DYNC2I1: variants seen among roughly 807,000 people sequenced by gnomAD.
The protein encoded by DYNC2I1 is dynein 2 intermediate chain 1, also known as cytoplasmic dynein 2 intermediate chain 1.
A neutral mutation model predicts 133.4 loss-of-function variants in DYNC2I1; 89 were observed. The ratio of observed to expected loss-of-function variants is 0.67; its 90% confidence interval spans 0.56 to 0.80. DYNC2I1 has a LOEUF of 0.80. Among genes scored for constraint, DYNC2I1 ranks in the 30% least tolerant of loss-of-function variants. The pLI is 0.00. For synonymous variants in DYNC2I1, 504 were observed against 484.3 expected, an observed-to-expected ratio of 1.04 and a Z score of -0.54; for missense variants, 1,291 against 1,314.5, an observed-to-expected ratio of 0.98 and a Z score of 0.28.
At chr7:158,929,181 G>C (rs1849937175) in intron 20 of DYNC2I1, among the ~76,000 whole-genome samples, 2 of 152,232 alleles carry the variant, frequency 1.3e-5, no homozygotes, top group South Asian at 4.1e-4. Flanking sequence ...CCGTTGTTCA[G>C]GGTGGCTGCC....
chr7:158,930,176 C>G (rs1850078532), intron 20 of DYNC2I1, among the ~76,000 whole-genome samples: 1 of 152,178 alleles, frequency 6.6e-6, no homozygotes, highest in African/African-American at 2.4e-5. Flanking sequence ...GCTTACCCCC[C>G]TTATTTTATC....
chr7:158,951,039 G>A (rs996510700), downstream of DYNC2I1, among the ~76,000 whole-genome samples: 2 of 152,204 alleles, frequency 1.3e-5, no homozygotes, highest in Non-Finnish European at 2.9e-5. Context: ...GATCTTGCAT[G>A]TTGTCCACGT....
chr7:158,945,152 A>AG lies in DYNC2I1; in HGVS notation c.3003-425dup, dbSNP rs1851750694. On this transcript the variant is annotated intron_variant, in intron 24 of 24. Coordinates refer to ENST00000407559, the MANE Select transcript of DYNC2I1 (RefSeq NM_018051.5). This position sits in a 1 kb window ranked among gnomAD's most constrained non-coding sequence, Gnocchi z 4.1. Reference sequence around the variant, plus strand: ...CTGGTCCCATGGAGGCCAGGAGTGGAGGGGTCCGGGGCTCCAGGGTGAGTC... The same window carrying AG: ...CTGGTCCCATGGAGGCCAGGAGTGGAGGGGGTCCGGGGCTCCAGGGTGAGTC... 6.6e-6 allele frequency among the ~76,000 whole-genome samples: 1 copy of AG among 151,974 alleles called. No individual in the cohort carries two copies. The highest frequency in any genetic ancestry group is 2.4e-5 in the African/African-American group (1 of 41,370).
rs1850555720 is a variant in DYNC2I1 at position 158,934,501 on chromosome 7, G to A, written c.2730G>A (p.Val910=). 6.4e-7 allele frequency: 1 copy of A among 1,567,154 alleles called. No individual in the cohort carries two copies. Among genetic ancestry groups the A allele is most frequent in the Admixed American group, 1.9e-5 (1 of 52,516 alleles). Residue 910 remains valine, a synonymous_variant, in exon 23 of 25, where the codon GTG becomes GTA. Transcript: ENST00000407559. ...CTCAGCAACATGGTATAAGACCAGT[G>A]AAAGTTAATGTCATTGATTTTTCAC... The part of the protein sequence containing the change: ...FKPQQHGIRP[V]KVNVIDFSPF...
intron 8 of DYNC2I1, among the ~76,000 whole-genome samples, chr7:158,899,003 A>G (rs1233743112): frequency 6.6e-6 from 1 of 152,168 alleles, no homozygotes; most frequent in African/African-American, 2.4e-5. Context: ...ATAAGCAGAC[A>G]TAAGCATGTT....
chr7:158,883,618 T>C (rs1354705355), intron 5 of DYNC2I1, among the ~76,000 whole-genome samples: 1 of 150,094 alleles, frequency 6.7e-6, no homozygotes, highest in African/African-American at 2.4e-5. Context: ...GTAAGTACAA[T>C]AAATATACAA....
intron 15 of DYNC2I1, among the ~76,000 whole-genome samples, chr7:158,921,210 C>CGG (rs1449440038): frequency 1.3e-5 from 2 of 152,062 alleles, no homozygotes; most frequent in African/African-American, 4.8e-5. Flanking sequence ...GAAAACCGGA[C>CGG]GGAGATGAGA....
intron 7 of DYNC2I1, among the ~76,000 whole-genome samples, chr7:158,890,437 C>T (rs1021953070): frequency 1.3e-5 from 2 of 152,062 alleles, no homozygotes; most frequent in Non-Finnish European, 2.9e-5. Context: ...ACAGCAGCAA[C>T]ACTGAATTTA....
chr7:158,896,764 T>G (rs1419864155), intron 8 of DYNC2I1, among the ~76,000 whole-genome samples: 1 of 152,104 alleles, frequency 6.6e-6, no homozygotes, highest in Non-Finnish European at 1.5e-5. Flanking sequence ...TGAGCCACTG[T>G]GCCTGGCCCT....
At chr7:158,870,967 G>T (rs944919994) in intron 2 of DYNC2I1, among the ~76,000 whole-genome samples, 175 bp from the exon 3 acceptor site, 2 of 152,208 alleles carry the variant, frequency 1.3e-5, no homozygotes, top group Non-Finnish European at 2.9e-5. Context: ...AGTGTTCTAA[G>T]AACATCCATG....
At chr7:158,853,814 C>T (rs185828112), upstream of DYNC2I1, among the ~76,000 whole-genome samples, 300 of 152,096 alleles carry the variant, frequency 2.0e-3, no homozygotes, top group African/African-American at 7.0e-3. Flanking sequence ...CCACCACACC[C>T]AGCTAATTTT....
intron 8 of DYNC2I1, among the ~76,000 whole-genome samples, chr7:158,893,240 C>G (rs1340841880): frequency 6.6e-6 from 1 of 152,138 alleles, no homozygotes; most frequent in Non-Finnish European, 1.5e-5. Context: ...CTGTTCATCC[C>G]TCCCTTCCCC....
intron 14 of DYNC2I1, among the ~76,000 whole-genome samples, chr7:158,914,977 T>C (rs777695134): frequency 2.0e-5 from 3 of 152,274 alleles, no homozygotes; most frequent in Non-Finnish European, 2.9e-5. Flanking sequence ...AGCTGTCTCA[T>C]CACTTTCTTG....
At chr7:158,912,827 A>G (rs946226326) in intron 12 of DYNC2I1, among the ~76,000 whole-genome samples, 158 bp from the exon 13 acceptor site, 1 of 152,210 alleles carries the variant, frequency 6.6e-6, no homozygotes, top group Non-Finnish European at 1.5e-5. Flanking sequence ...ACCTGTATAT[A>G]TCTATATCGA....
intron 5 of DYNC2I1, among the ~76,000 whole-genome samples, chr7:158,883,103 A>G (rs1844210707): frequency 6.6e-6 from 1 of 152,036 alleles, no homozygotes; most frequent in South Asian, 2.1e-4. Context: ...CGTAAAGTGC[A>G]AGGTGCACTG....
intron 1 of DYNC2I1, among the ~76,000 whole-genome samples, chr7:158,857,297 A>G (rs1437576364): frequency 6.6e-6 from 1 of 152,152 alleles, no homozygotes; most frequent in Non-Finnish European, 1.5e-5. Context: ...GTGTTTAAGA[A>G]GGTTAAGTGA....
At chr7:158,860,920 G>T (rs1196089956) in intron 1 of DYNC2I1, among the ~76,000 whole-genome samples, 2 of 152,182 alleles carry the variant, frequency 1.3e-5, no homozygotes, top group Non-Finnish European at 2.9e-5. Context: ...TCCAAGGTTG[G>T]TCCTCACCAA....
intron 4 of DYNC2I1, among the ~76,000 whole-genome samples, chr7:158,952,479 C>T (rs981214884): frequency 2.0e-5 from 3 of 152,110 alleles, no homozygotes; most frequent in African/African-American, 7.2e-5. Flanking sequence ...GTCTCCAATG[C>T]CAGTTGGATT....
intron 24 of DYNC2I1, among the ~76,000 whole-genome samples, chr7:158,943,864 G>A (rs1851618837): frequency 1.3e-5 from 2 of 152,098 alleles, no homozygotes; most frequent in Admixed American, 6.6e-5. Flanking sequence ...CAGCAGTGCC[G>A]GACGCCGGGT....
Sources: gnomAD v4.1 joint callset for allele counts (sites outside exome capture counted in the v4.1 genomes callset) on GRCh38, gnomAD v4.1.1 for gene constraint, Gnocchi (gnomAD v3.1) non-coding constraint, MANE v1.5 for transcripts, NCBI Gene and HGNC (gene_info 2026-07-23, HGNC 2026-07-21) for gene names.